CRTC1: variants seen among roughly 807,000 people sequenced by gnomAD.
The protein encoded by CRTC1 is CREB regulated transcription coactivator 1.
CRTC1 carries 18 observed loss-of-function variants against 66.1 expected under a neutral mutation model. The ratio of observed to expected loss-of-function variants is 0.27; its 90% CI spans 0.19 to 0.40. The LOEUF (loss-of-function observed/expected upper bound fraction) is 0.40, where lower values mean the gene tolerates loss of function less well. CRTC1 is among the 10% of genes least tolerant of loss of function. The pLI, the probability that CRTC1 is intolerant of heterozygous loss-of-function variation, is 1.00. For missense variants in CRTC1, 669 were observed against 887.9 expected, an observed-to-expected ratio of 0.75 and a Z score of 3.13; for synonymous variants, 416 against 398.8, an observed-to-expected ratio of 1.04 and a Z score of -0.51.
chr19:18,756,002 T>C (rs979880717), intron 6 of CRTC1, among the ~76,000 whole-genome samples: 48 of 151,436 alleles, frequency 3.2e-4, no homozygotes, highest in African/African-American at 9.7e-4. Context: ...GCACAAAGAG[T>C]CACTGAGATT....
In CRTC1 at chr19:18,780,639, C is replaced by T; in HGVS notation, c.*3257C>T. ...CTGTGAGCTGGGACCTCGCCTGAGC[C>T]CGGTCAGGTGGGACAGGAGCCTGCC... On this transcript the variant is annotated 3_prime_UTR_variant, in exon 14 of 14. Transcript: ENST00000321949. 1 of 227,450 alleles carries T rather than the reference C, an allele frequency of 4.4e-6. No individual in the cohort carries two copies. The highest frequency in any genetic ancestry group is 8.7e-6 in the Non-Finnish European group (1 of 114,476). 14.1% of individuals were successfully genotyped at this position (227,450 alleles called of 1,614,324 possible). A position where few individuals can be genotyped will look rare whatever the true frequency, so the allele number is the denominator to read the frequency against.
chr19:18,691,000 T>C (rs1600745538), intron 1 of CRTC1, among the ~76,000 whole-genome samples: 1 of 132,274 alleles, frequency 7.6e-6, no homozygotes, highest in East Asian at 2.2e-4. Flanking sequence ...CGCTCGAGCA[T>C]GGATGACAGA....
chr19:18,775,892 T>C, intron 13 of CRTC1, 71 bp downstream of exon 13: 1 of 1,445,564 alleles, frequency 6.9e-7, no homozygotes, highest in South Asian at 1.4e-5. Context: ...AGCCAGAGAC[T>C]GCTGTCCCGC....
In CRTC1 at chr19:18,777,183, C is replaced by A; in HGVS notation, c.1706C>A (p.Ser569Tyr). The A allele has an allele frequency of 1.5e-6, 2 of 1,290,462 alleles. No homozygotes were observed. The highest frequency in any genetic ancestry group is 1.1e-6 in the Non-Finnish European group (1 of 934,652). The allele number at this position is 1,290,462 out of a possible 1,614,324, so 79.9% of individuals were successfully genotyped here. ...PNIILTVTGE[S>Y]PPSLSKELTS... ...CCCCATCCCCCAGTGACAGGAGAGTCCCCCCCCAGCCTCTCTAAAGAACTG... is the reference window on the plus strand; with the variant it reads ...CCCCATCCCCCAGTGACAGGAGAGTACCCCCCCAGCCTCTCTAAAGAACTG... The change falls in exon 14 of 14, where the codon TCC (serine) becomes TAC (tyrosine). Residue 569 changes from serine to tyrosine, a missense_variant. Around this residue, in one of 8 missense-constraint regions of CRTC1, gnomAD observed 91 missense variants for 99.1 expected, o/e 0.92. Transcript: ENST00000321949. This position sits in a 1 kb window ranked among gnomAD's most constrained non-coding sequence, Gnocchi z 5.5.
At chr19:18,728,833 G>A (rs1384041891) in intron 1 of CRTC1, among the ~76,000 whole-genome samples, 2 of 32,666 alleles carry the variant, frequency 6.1e-5, no homozygotes, top group East Asian at 0.01. Context: ...TTTTTTTTGA[G>A]ACAGAGTCTT....
At chr19:18,713,711 A>G (rs1369312309) in intron 1 of CRTC1, among the ~76,000 whole-genome samples, 1 of 152,220 alleles carries the variant, frequency 6.6e-6, no homozygotes, top group East Asian at 1.9e-4. Flanking sequence ...GCCCAGGTCC[A>G]TTTGGAATAT....
intron 6 of CRTC1, among the ~76,000 whole-genome samples, chr19:18,756,454 G>A (rs527520212): frequency 2.6e-5 from 4 of 151,626 alleles, no homozygotes; most frequent in Non-Finnish European, 4.4e-5. Flanking sequence ...TGAGACCAGC[G>A]TGGGCAACAT....
intron 1 of CRTC1, among the ~76,000 whole-genome samples, chr19:18,713,445 A>G (rs1202760042): frequency 6.9e-6 from 1 of 145,974 alleles, no homozygotes; most frequent in Non-Finnish European, 1.5e-5. Flanking sequence ...TCTGGGTTTA[A>G]CTGTTTGAGT....
intron 1 of CRTC1, among the ~76,000 whole-genome samples, chr19:18,685,394 A>G (rs2052663730): frequency 1.3e-5 from 2 of 152,172 alleles, no homozygotes; most frequent in Admixed American, 1.3e-4. Flanking sequence ...GTGGTGGCTC[A>G]TGCCTGTAAT....
intron 11 of CRTC1, among the ~76,000 whole-genome samples, chr19:18,772,646 G>C (rs554876582): frequency 5.3e-5 from 8 of 152,278 alleles, no homozygotes; most frequent in African/African-American, 1.9e-4. Flanking sequence ...CCCATCTCCA[G>C]CTCTCACACG....
Position 18,683,686 on chromosome 19 carries a change from G to A in CRTC1, c.-17G>A, listed in dbSNP as rs1222555740. 6.5e-6 allele frequency: 9 copies of A among 1,392,314 alleles called. No homozygotes were observed. Among genetic ancestry groups the A allele is most frequent in the South Asian group, 1.3e-5 (1 of 77,050 alleles). 86.2% of individuals were successfully genotyped at this position (1,392,314 alleles called of 1,614,324 possible). Reference sequence around the variant, plus strand: ...GGTGGAGGAGGAGGAGGAGGAGGAGGAGGTGGCGGCGAGAAGATGGCGACT... The same window carrying A: ...GGTGGAGGAGGAGGAGGAGGAGGAGAAGGTGGCGGCGAGAAGATGGCGACT... On this transcript the variant is annotated 5_prime_UTR_variant, in exon 1 of 14. Coordinates refer to ENST00000321949, the MANE Select transcript of CRTC1 (RefSeq NM_015321.3).
In CRTC1 at chr19:18,737,739, G is replaced by GCTCCTCCTCCTCCTCCTGCTCCTC. The variant is rs1555782703; in HGVS notation, c.127-5154_127-5153insGCTCCTCCTCCTCCTCCTCCTCCT. ...ACCAAGCTGCCGCCCTCCTGCTGCT[G>GCTCCTCCTCCTCCTCCTGCTCCTC]CTCCTCCTCCTCCTCCTCCTCCTCC... is the stretch of plus-strand genomic sequence containing the variant. On this transcript the variant is annotated intron_variant, in intron 1 of 13. Transcript: ENST00000321949. Among the ~76,000 whole-genome samples the GCTCCTCCTCCTCCTCCTGCTCCTC allele has an allele frequency of 4.5e-3, 672 of 149,834 alleles. 4 individuals carry two copies. Among genetic ancestry groups the GCTCCTCCTCCTCCTCCTGCTCCTC allele is most frequent in the South Asian group, 0.012 (56 of 4,678 alleles).
intron 7 of CRTC1, 52 bp from the exon 8 acceptor site, chr19:18,759,956 G>GCCAGCCCCCTGGCCCCGCCA: frequency 2.5e-6 from 3 of 1,221,318 alleles, no homozygotes; most frequent in Non-Finnish European, 3.5e-6. Context: ...TGTCCCCGCC[G>GCCAGCCCCCTGGCCCCGCCA]CCAGCCCCGC....
At chr19:18,722,948 CT>C (rs907251799) in intron 1 of CRTC1, among the ~76,000 whole-genome samples, 7 of 149,140 alleles carry the variant, frequency 4.7e-5, no homozygotes, top group African/African-American at 9.8e-5. Flanking sequence ...GTGCTACAGT[CT>C]TTTTTTTTTG....
intron 1 of CRTC1, among the ~76,000 whole-genome samples, chr19:18,711,577 G>A (rs1054725728): frequency 2.6e-5 from 4 of 152,222 alleles, no homozygotes; most frequent in East Asian, 1.9e-4. Context: ...CCACAGCTGC[G>A]GCCGGCCACG....
rs910788934 is a variant in CRTC1 at position 18,781,538 on chromosome 19, A to G, written c.*4156A>G. On this transcript the variant is annotated 3_prime_UTR_variant, in exon 14 of 14. Transcript: ENST00000321949. ...GTGGCACAGGTGTCCACCCACCCCCACTGGCCACAGACACCATTCTCCCCC... is the reference window on the plus strand; with the variant it reads ...GTGGCACAGGTGTCCACCCACCCCCGCTGGCCACAGACACCATTCTCCCCC... 8.7e-6 allele frequency: 2 copies of G among 228,876 alleles called. No individual in the cohort carries two copies. Among genetic ancestry groups the G allele is most frequent in the Non-Finnish European group, 1.7e-5 (2 of 115,568 alleles). The allele number at this position is 228,876 out of a possible 1,614,324, so 14.2% of individuals were successfully genotyped here. A position where few individuals can be genotyped will look rare whatever the true frequency, so the allele number is the denominator to read the frequency against.
At position 18,744,132 on chromosome 19, in the gene CRTC1, C is replaced by T. The variant is rs746121895; in HGVS notation, c.243+1106C>T. 7 of 1,612,492 alleles carry T rather than the reference C, an allele frequency of 4.3e-6. No individual in the cohort carries two copies. The South Asian group carries it at 5.5e-5, about 13-fold the overall frequency. The stretch of plus-strand genomic sequence containing the variant: ...GCCCAGCGGATTTCTGGGGGAGGCC[C>T]TGGCAGCGGCTCCTGTCTCTCTGGT... On this transcript the variant is annotated intron_variant, in intron 2 of 13. Coordinates refer to ENST00000321949, the MANE Select transcript of CRTC1 (RefSeq NM_015321.3).
At chr19:18,730,538 TG>T (rs2053863615) in intron 1 of CRTC1, among the ~76,000 whole-genome samples, 1 of 152,116 alleles carries the variant, frequency 6.6e-6, no homozygotes, top group African/African-American at 2.4e-5. Context: ...TGTCCTGGTT[TG>T]GGCTTCATCT....
chr19:18,702,777 A>C (rs1600785884), intron 1 of CRTC1, among the ~76,000 whole-genome samples: 1 of 149,674 alleles, frequency 6.7e-6, no homozygotes, highest in African/African-American at 2.5e-5. Flanking sequence ...CAGGTGATCC[A>C]CCTGCCTCGG....
Sources: gnomAD v4.1 joint callset for allele counts (sites outside exome capture counted in the v4.1 genomes callset) on GRCh38, gnomAD v4.1.1 for gene constraint, gnomAD v4.1.1 regional missense constraint, Gnocchi (gnomAD v3.1) non-coding constraint, MANE v1.5 for transcripts, NCBI Gene and HGNC (gene_info 2026-07-23, HGNC 2026-07-21) for gene names.